Variants in CTNNA2 observed in about 807,000 individuals in gnomAD.
CTNNA2 encodes the protein catenin alpha-2.
CTNNA2 carries 42 observed loss-of-function variants against 101.0 expected under a neutral mutation model. That is an observed-to-expected ratio of 0.42 (90% CI 0.32 to 0.54). CTNNA2 has a LOEUF of 0.54. Among genes scored for constraint, CTNNA2 ranks in the 20% least tolerant of loss-of-function variants. The pLI is 0.14. For missense variants in CTNNA2, 871 were observed against 1,223.1 expected (o/e 0.71, Z 4.29); for synonymous variants, 450 against 456.4 (o/e 0.99, Z 0.18).
chr2:79,450,406 G>A (rs1053213966), intron 4 of CTNNA2, among the ~76,000 whole-genome samples: 1 of 151,912 alleles, frequency 6.6e-6, no homozygotes, highest in Non-Finnish European at 1.5e-5. Flanking sequence ...CTTTTCTTAT[G>A]TCAAACTTTG....
rs1444794632 is a variant in CTNNA2 at position 80,619,110 on chromosome 2, C to A, written c.2456C>A (p.Thr819Asn). The A allele has an allele frequency of 3.3e-6, 5 of 1,536,788 alleles. No homozygotes were observed. In the African/African-American group the frequency reaches 4.1e-5, roughly 13 times the overall value. ...SGTGVQSTFT[T>N]FYEVDCDVID... ...ACAGGAGTTCAGAGCACTTTCACTA[C>A]CTTTTATGAGGTAGATTGTGATGTC... The change falls in exon 18 of 19, where the codon ACC (threonine) becomes AAC (asparagine). Residue 819 changes from threonine (T) to asparagine (N), a missense_variant. By Grantham distance (65) the Thr-to-Asn change is moderately conservative (BLOSUM62 0). Around this residue, in one of 5 missense-constraint regions of CTNNA2, gnomAD observed 65 missense variants for 53.3 expected, o/e 1.22. Coordinates refer to ENST00000402739, the MANE Select transcript of CTNNA2 (RefSeq NM_001282597.3).
intron 2 of CTNNA2, among the ~76,000 whole-genome samples, chr2:79,662,455 T>G (rs773373518): frequency 6.6e-6 from 1 of 152,162 alleles, no homozygotes; most frequent in Non-Finnish European, 1.5e-5. Context: ...ATCTTATGCA[T>G]GCTAATTCAA....
At chr2:80,144,966 C>T (rs1318868602) in intron 7 of CTNNA2, among the ~76,000 whole-genome samples, 2 of 152,124 alleles carry the variant, frequency 1.3e-5, no homozygotes, top group African/African-American at 4.8e-5. Flanking sequence ...CCTCTCCCCC[C>T]AGCTGTCACA....
At chr2:80,360,127 C>T (rs1674256716) in intron 7 of CTNNA2, among the ~76,000 whole-genome samples, 1 of 151,932 alleles carries the variant, frequency 6.6e-6, no homozygotes, top group Non-Finnish European at 1.5e-5. Context: ...TCCTAATTTT[C>T]TTATTGTTTT....
intron 7 of CTNNA2, among the ~76,000 whole-genome samples, chr2:80,215,419 G>A (rs1044885254): frequency 6.6e-6 from 1 of 152,070 alleles, no homozygotes. Context: ...TTTGATGATG[G>A]CGATGTACAG....
intron 3 of CTNNA2, among the ~76,000 whole-genome samples, chr2:79,820,247 T>G (rs962727528): frequency 6.6e-6 from 1 of 152,220 alleles, no homozygotes; most frequent in Non-Finnish European, 1.5e-5. Flanking sequence ...TTAATTGCCC[T>G]TGTTAGTGCA....
intron 7 of CTNNA2, among the ~76,000 whole-genome samples, chr2:79,992,298 CA>C (rs145086565): frequency 0.04 from 5,952 of 147,132 alleles, 347 homozygotes; most frequent in African/African-American, 0.13. Context: ...TAAATAATCA[CA>C]AAAAAAAAGA....
chr2:79,941,308 A>C (rs1688144086), intron 7 of CTNNA2, among the ~76,000 whole-genome samples: 1 of 152,002 alleles, frequency 6.6e-6, no homozygotes, highest in Non-Finnish European at 1.5e-5. Flanking sequence ...TAACTCTACT[A>C]TTTCAGGACA....
chr2:80,243,488 A>G (rs1671095519), intron 7 of CTNNA2, among the ~76,000 whole-genome samples: 1 of 151,944 alleles, frequency 6.6e-6, no homozygotes, highest in Non-Finnish European at 1.5e-5. Context: ...ATTAGTTTGT[A>G]TTTTCTAGAC....
At chr2:79,803,154 A>G (rs888535015) in intron 3 of CTNNA2, among the ~76,000 whole-genome samples, 1 of 152,200 alleles carries the variant, frequency 6.6e-6, no homozygotes, top group Admixed American at 6.5e-5. Flanking sequence ...TTTTTCACAC[A>G]GTTGATTTTA....
chr2:79,818,321 T>C (rs1677697659), intron 3 of CTNNA2, among the ~76,000 whole-genome samples: 1 of 152,136 alleles, frequency 6.6e-6, no homozygotes, highest in South Asian at 2.1e-4. Context: ...TTTTTGTTTT[T>C]TGTTTTTTTG....
intron 7 of CTNNA2, among the ~76,000 whole-genome samples, chr2:80,337,917 G>A (rs1671894654): frequency 6.6e-6 from 1 of 152,134 alleles, no homozygotes; most frequent in Non-Finnish European, 1.5e-5. Context: ...GCTGCCAAAG[G>A]CCTGCTCCCC....
intron 3 of CTNNA2, chr2:79,776,900 A>G (rs1234170583): frequency 6.6e-6 from 1 of 152,208 alleles, no homozygotes; most frequent in Non-Finnish European, 1.5e-5. Flanking sequence ...AGGAGCTGAG[A>G]GCATCTTCTG....
chr2:79,798,560 C>CTTTTTTT (rs34542700), intron 3 of CTNNA2, among the ~76,000 whole-genome samples: 64 of 123,782 alleles, frequency 5.2e-4, no homozygotes, highest in African/African-American at 1.5e-3. Context: ...TATAATAAGA[C>CTTTTTTT]TTTTTTTTTT....
chr2:79,280,047 T>C (rs1413825207), intron 2 of CTNNA2, among the ~76,000 whole-genome samples: 1 of 152,172 alleles, frequency 6.6e-6, no homozygotes, highest in Non-Finnish European at 1.5e-5. Context: ...GTTTTCTACA[T>C]TAAAATGGTC....
intron 1 of CTNNA2, among the ~76,000 whole-genome samples, chr2:79,568,858 C>CAAAAAAA (rs540965419): frequency 2.0e-4 from 14 of 68,964 alleles, no homozygotes; most frequent in African/African-American, 8.8e-4. Flanking sequence ...TCTGTTTCTA[C>CAAAAAAA]AAAAAAAAAA....
At chr2:79,812,600 T>A (rs1006657238) in intron 3 of CTNNA2, among the ~76,000 whole-genome samples, 1 of 152,210 alleles carries the variant, frequency 6.6e-6, no homozygotes, top group Non-Finnish European at 1.5e-5. Flanking sequence ...CACCCATGCC[T>A]ACATTTCTCT....
chr2:80,265,561 C>G (rs1672945435), intron 7 of CTNNA2, among the ~76,000 whole-genome samples: 1 of 152,130 alleles, frequency 6.6e-6, no homozygotes, highest in Non-Finnish European at 1.5e-5. Context: ...AGACCCTTCC[C>G]AAACCTGAGA....
intron 7 of CTNNA2, among the ~76,000 whole-genome samples, chr2:80,141,133 A>G (rs1459208679): frequency 2.0e-5 from 3 of 152,122 alleles, no homozygotes; most frequent in Non-Finnish European, 4.4e-5. Flanking sequence ...GGACCGCTCC[A>G]TAGGCAGGAG....
Sources: allele counts gnomAD v4.1 joint callset (sites outside exome capture counted in the v4.1 genomes callset), GRCh38; gene constraint gnomAD v4.1.1; regional missense constraint gnomAD v4.1.1; transcripts MANE v1.5; gene names NCBI Gene and HGNC (gene_info 2026-07-23, HGNC 2026-07-21).